The following TOX2 variants were observed in gnomAD, a reference collection of about 807,000 sequenced individuals.
TOX2 encodes TOX high mobility group box family member 2, also known as granulosa cell HMG box 1.
TOX2 carries 15 observed loss-of-function variants against 47.4 expected under a neutral mutation model. The observed-to-expected ratio is 0.32, with a 90% CI of 0.21 to 0.49. The LOEUF (loss-of-function observed/expected upper bound fraction) is 0.49, where lower values mean the gene tolerates loss of function less well. TOX2 is among the 20% of genes least tolerant of loss of function. The pLI, the probability that TOX2 is intolerant of heterozygous loss-of-function variation, is 0.99. For synonymous variants in TOX2, 290 were observed against 296.6 expected (o/e 0.98, Z 0.23); for missense variants, 622 against 673.1 (o/e 0.92, Z 0.84).
intron 1 of TOX2, among the ~76,000 whole-genome samples, chr20:43,933,148 G>A (rs1417523511): frequency 1.3e-5 from 2 of 152,180 alleles, no homozygotes; most frequent in Admixed American, 6.5e-5. Flanking sequence ...AGGGGACCAC[G>A]TTGACCCCCA....
chr20:44,066,217 T>C, intron 7 of TOX2, 110 bp downstream of exon 7: 1 of 1,238,082 alleles, frequency 8.1e-7, no homozygotes, highest in Non-Finnish European at 1.1e-6. Context: ...ACCTCAGCCT[T>C]GGCACCTGAC....
intron 1 of TOX2, among the ~76,000 whole-genome samples, chr20:43,954,688 C>T (rs538421570): frequency 6.6e-6 from 1 of 152,154 alleles, no homozygotes; most frequent in Admixed American, 6.5e-5. Context: ...CTGGGCAGCC[C>T]CATTCCTATT....
At chr20:43,942,856 C>A (rs1225373310) in intron 1 of TOX2, among the ~76,000 whole-genome samples, 1 of 152,162 alleles carries the variant, frequency 6.6e-6, no homozygotes, top group Non-Finnish European at 1.5e-5. Flanking sequence ...GAACCGTAAC[C>A]ATCACGTTGC....
chr20:43,992,558 C>G (rs367776913), intron 2 of TOX2, among the ~76,000 whole-genome samples: 4 of 152,198 alleles, frequency 2.6e-5, no homozygotes, highest in East Asian at 1.9e-4. Context: ...GCCTTCAGAT[C>G]GAGCCAGGCC....
intron 1 of TOX2, among the ~76,000 whole-genome samples, chr20:43,959,401 T>G (rs1447906444): frequency 1.3e-5 from 2 of 152,252 alleles, no homozygotes; most frequent in African/African-American, 4.8e-5. Flanking sequence ...CTGTGTTATC[T>G]GGTACTGACA....
At chr20:43,939,458 T>G (rs1052870792) in intron 1 of TOX2, among the ~76,000 whole-genome samples, 2 of 152,156 alleles carry the variant, frequency 1.3e-5, no homozygotes, top group African/African-American at 4.8e-5. Flanking sequence ...TCCACTGCAC[T>G]CAAAGTACAG....
At chr20:44,029,104 CT>C (rs1279154046) in intron 3 of TOX2, among the ~76,000 whole-genome samples, 1 of 152,226 alleles carries the variant, frequency 6.6e-6, no homozygotes, top group Non-Finnish European at 1.5e-5. Flanking sequence ...TGGCAGCCCC[CT>C]GACACTCAGG....
In TOX2 at chr20:44,064,781, A is replaced by G. The variant is rs1207815970; in HGVS notation, c.884A>G (p.Tyr295Cys). The stretch of plus-strand genomic sequence containing the variant: ...CTCATGTGTTGACTCTTCCAGGCCT[A>G]CAAGAGGAAGACAGAAGCAGCAAAG... Reference protein sequence around the residue: ...DSLGEEQKQAYKRKTEAAKKE... With the variant: ...DSLGEEQKQACKRKTEAAKKE... The change falls in exon 6 of 9, where the codon TAC (tyrosine) becomes TGC (cysteine). Residue 295 changes from tyrosine to cysteine, a missense_variant. Tyr to Cys is a radical substitution (Grantham distance 194). Coordinates refer to ENST00000341197, the MANE Select transcript of TOX2 (RefSeq NM_001098797.2). 1 of 1,614,090 alleles carries G rather than the reference A, an allele frequency of 6.2e-7. No individual in the cohort carries two copies. Among genetic ancestry groups the G allele is most frequent in the Non-Finnish European group, 8.5e-7 (1 of 1,180,002 alleles).
chr20:44,011,219 A>C (rs1184370391), intron 3 of TOX2, among the ~76,000 whole-genome samples: 1 of 152,160 alleles, frequency 6.6e-6, no homozygotes, highest in African/African-American at 2.4e-5. Flanking sequence ...ACAGGTTCCA[A>C]GGATTAGGAC....
At chr20:43,921,535 G>T (rs898368957) in intron 1 of TOX2, among the ~76,000 whole-genome samples, 2 of 152,174 alleles carry the variant, frequency 1.3e-5, no homozygotes, top group African/African-American at 4.8e-5. Context: ...GCCCCAGCAG[G>T]AAATGCTTTC....
At chr20:44,029,328 A>G (rs886287429) in intron 3 of TOX2, among the ~76,000 whole-genome samples, 3 of 152,094 alleles carry the variant, frequency 2.0e-5, no homozygotes, top group African/African-American at 7.2e-5. Flanking sequence ...CCTTTCAGGC[A>G]CTCTGTAACC....
chr20:43,985,594 G>C (rs191443195), intron 2 of TOX2, among the ~76,000 whole-genome samples: 10 of 152,282 alleles, frequency 6.6e-5, no homozygotes, highest in African/African-American at 2.2e-4. Flanking sequence ...GGTTATTCTA[G>C]TGCTTGGTAC....
chr20:43,937,417 T>C (rs541120564), intron 1 of TOX2, among the ~76,000 whole-genome samples: 1 of 151,864 alleles, frequency 6.6e-6, no homozygotes, highest in Admixed American at 6.6e-5. Context: ...CAGGAGGGAT[T>C]TGAGCATTGG....
At position 44,006,735 on chromosome 20, in the gene TOX2, C is replaced by A; in HGVS notation, c.354C>A (p.Ile118=). The change falls in exon 3 of 9, where the codon ATC becomes ATA. Residue 118 remains isoleucine (I), a synonymous_variant. Coordinates refer to ENST00000341197, the MANE Select transcript of TOX2 (RefSeq NM_001098797.2). ...ATCAGGCCATGGACCTCCCAGCCATCATGGTGTCCAACATGCTAGCACAGG... is the reference window on the plus strand; with the variant it reads ...ATCAGGCCATGGACCTCCCAGCCATAATGGTGTCCAACATGCTAGCACAGG... ...YSYQAMDLPA[I]MVSNMLAQDS... is the part of the protein sequence containing the mutation. 6.2e-7 allele frequency: 1 copy of A among 1,614,112 alleles called. No individual in the cohort carries two copies.
At chr20:43,972,319 T>C (rs1280963966) in intron 1 of TOX2, among the ~76,000 whole-genome samples, 1 of 152,102 alleles carries the variant, frequency 6.6e-6, no homozygotes, top group African/African-American at 2.4e-5. Flanking sequence ...GCCCCAGAGT[T>C]CCCCATCAGA....
intron 5 of TOX2, among the ~76,000 whole-genome samples, chr20:44,062,250 A>G (rs1417215144): frequency 2.6e-5 from 4 of 152,164 alleles, no homozygotes; most frequent in Non-Finnish European, 5.9e-5. Context: ...AGAACTGGTA[A>G]ATGAATTCAG....
At chr20:44,003,400 A>G (rs1394433103) in intron 2 of TOX2, among the ~76,000 whole-genome samples, 2 of 151,664 alleles carry the variant, frequency 1.3e-5, no homozygotes, top group Admixed American at 1.3e-4. Flanking sequence ...TGTTGCCCAG[A>G]GTGGTCTCAA....
intron 4 of TOX2, among the ~76,000 whole-genome samples, chr20:44,053,954 C>A (rs2071572661): frequency 6.6e-6 from 1 of 152,140 alleles, no homozygotes; most frequent in East Asian, 1.9e-4. Flanking sequence ...GATTAAAAGT[C>A]CCAAAGGTGA....
chr20:43,970,170 A>C (rs754657585), intron 1 of TOX2, among the ~76,000 whole-genome samples: 3 of 152,172 alleles, frequency 2.0e-5, no homozygotes, highest in Non-Finnish European at 4.4e-5. Flanking sequence ...GAAAAAATCC[A>C]ACAAGGGACT....
Sources: allele counts gnomAD v4.1 joint callset (sites outside exome capture counted in the v4.1 genomes callset), GRCh38; gene constraint gnomAD v4.1.1; transcripts MANE v1.5; gene names NCBI Gene and HGNC (gene_info 2026-07-23, HGNC 2026-07-21).